The following BICD2 variants were observed in gnomAD, a reference collection of about 807,000 sequenced individuals.
The protein encoded by BICD2 is BICD cargo adaptor 2.
Under a neutral mutation model 72.9 loss-of-function variants are expected in BICD2, and 25 were observed. That is an observed-to-expected ratio of 0.34 (90% CI 0.25 to 0.48). The LOEUF (loss-of-function observed/expected upper bound fraction) is 0.48, where lower values mean the gene tolerates loss of function less well. BICD2 is among the 20% of genes least tolerant of loss of function. The pLI is 0.99. For synonymous variants in BICD2, 501 were observed against 516.1 expected (o/e 0.97, Z 0.40); for missense variants, 894 against 1,175.2 (o/e 0.76, Z 3.50).
At chr9:92,763,707 TC>T (rs1048274917) in intron 1 of BICD2, among the ~76,000 whole-genome samples, 3 of 150,678 alleles carry the variant, frequency 2.0e-5, no homozygotes, top group African/African-American at 7.3e-5. Flanking sequence ...TAACCTACTC[TC>T]CCCCCAGTGG....
chr9:92,738,912 A>G (rs1051364625), intron 1 of BICD2, among the ~76,000 whole-genome samples: 5 of 152,244 alleles, frequency 3.3e-5, no homozygotes, highest in African/African-American at 1.2e-4. Flanking sequence ...TTCATCTGCT[A>G]GGCTGATCCA....
At chr9:92,731,554 G>A (rs1046927545) in intron 1 of BICD2, among the ~76,000 whole-genome samples, 1 of 152,088 alleles carries the variant, frequency 6.6e-6, no homozygotes, top group Non-Finnish European at 1.5e-5. Context: ...TCACATCATG[G>A]GCACTAGATA....
Position 92,714,862 on chromosome 9 carries a change from G to A in BICD2, c.*292C>T. The A allele has an allele frequency of 8.4e-7, 1 of 1,195,802 alleles. No individual in the cohort carries two copies. The highest frequency in any genetic ancestry group is 1.0e-6 in the Non-Finnish European group (1 of 961,642). The allele number at this position is 1,195,802 out of a possible 1,614,324, so 74.1% of individuals were successfully genotyped here. ...CCCCACGGGTGCGCAGGGCTTAGAA[G>A]ATGCTTTCATCACACATCTGCTGCA... On this transcript the variant is annotated 3_prime_UTR_variant, in exon 7 of 7. Transcript: ENST00000356884.
At position 92,717,821 on chromosome 9, in the gene BICD2, G is replaced by A. The variant is rs781440350; in HGVS notation, c.2234C>T (p.Ser745Leu). The change falls in exon 6 of 7, where the codon TCG (serine) becomes TTG (leucine). Residue 745 changes from serine (S) to leucine (L), a missense_variant. Physicochemically the swap from Ser to Leu is moderately radical, Grantham distance 145. This residue lies in a region of BICD2 where 321 missense variants were observed against 443.9 expected (regional missense o/e 0.72). Coordinates refer to ENST00000356884, the MANE Select transcript of BICD2 (RefSeq NM_001003800.2). ...CCTGGTGGCAAACATAGCACGCAGC[G>A]AGGAGAAGGTGGCTGCGTCCTCCTT... ...ALKEDAATFSSLRAMFATRCD... is the reference protein window; with the variant it reads ...ALKEDAATFSLLRAMFATRCD... The A allele has an allele frequency of 1.2e-6, 2 of 1,611,734 alleles. No homozygotes were observed. Among genetic ancestry groups the A allele is most frequent in the Non-Finnish European group, 1.7e-6 (2 of 1,179,700 alleles).
At chr9:92,763,718 G>C (rs1854419930) in intron 1 of BICD2, among the ~76,000 whole-genome samples, 1 of 152,196 alleles carries the variant, frequency 6.6e-6, no homozygotes, top group African/African-American at 2.4e-5. Flanking sequence ...CCCCCCAGTG[G>C]GAATGACACA....
chr9:92,763,682 A>T (rs1310098974), intron 1 of BICD2, among the ~76,000 whole-genome samples: 2 of 151,336 alleles, frequency 1.3e-5, no homozygotes, highest in East Asian at 4.1e-4. Context: ...GAGACCCTCG[A>T]CCAGCCTGGT....
chr9:92,721,553 C>G (rs1587671081), intron 3 of BICD2, among the ~76,000 whole-genome samples: 1 of 152,184 alleles, frequency 6.6e-6, no homozygotes, highest in East Asian at 1.9e-4. Flanking sequence ...AAGAAACAAA[C>G]CAGTAACAGG....
intron 1 of BICD2, among the ~76,000 whole-genome samples, chr9:92,742,510 G>A (rs1230056701): frequency 1.3e-5 from 2 of 151,292 alleles, no homozygotes; most frequent in Non-Finnish European, 2.9e-5. Flanking sequence ...TCGGCCTCCC[G>A]AGTAGCTGGG....
chr9:92,722,930 T>C, intron 2 of BICD2, 122 bp from the exon 3 acceptor site: 6 of 1,254,664 alleles, frequency 4.8e-6, no homozygotes, highest in Non-Finnish European at 6.7e-6. Flanking sequence ...GGCCTGCAGG[T>C]GCCAGTGTGA....
chr9:92,713,546 G>A lies in BICD2; in HGVS notation c.*1608C>T. 1 of 1,552,178 alleles carries A rather than the reference G, an allele frequency of 6.4e-7. No homozygotes were observed. Among genetic ancestry groups the A allele is most frequent in the Non-Finnish European group, 8.7e-7 (1 of 1,147,542 alleles). On this transcript the variant is annotated 3_prime_UTR_variant, in exon 7 of 7. Coordinates refer to ENST00000356884, the MANE Select transcript of BICD2 (RefSeq NM_001003800.2). ...GACAATTGAAGCTCTCCACGTGCTGGGAGGGCGCGAGCACGTTAGTTGGCA... is the reference window on the plus strand; with the variant it reads ...GACAATTGAAGCTCTCCACGTGCTGAGAGGGCGCGAGCACGTTAGTTGGCA...
At chr9:92,728,930 GCCAGC>G (rs911710005) in intron 2 of BICD2, 89 bp downstream of exon 2, 12 of 1,406,138 alleles carry the variant, frequency 8.5e-6, no homozygotes, top group Middle Eastern at 2.4e-4. Context: ...GTCCCCAGAG[GCCAGC>G]CCAGCCCAGC....
In BICD2 at chr9:92,764,810, C is replaced by CGCT; in HGVS notation, c.-69_-67dup. On this transcript the variant is annotated 5_prime_UTR_variant, in exon 1 of 7. Transcript: ENST00000356884. The surrounding 1 kb of genome is among the most constrained non-coding windows in gnomAD (Gnocchi z 5.5). ...AGGCCGGGCCCTCCTCAGCCGCCGC[C>CGCT]GCTGCCGCCGCCGCCGCCGCCCTGC... The CGCT allele has an allele frequency of 8.4e-7, 1 of 1,192,852 alleles. No individual in the cohort carries two copies. 73.9% of individuals were successfully genotyped at this position (1,192,852 alleles called of 1,614,324 possible). A position where few individuals can be genotyped will look rare whatever the true frequency, so the allele number is the denominator to read the frequency against.
At chr9:92,744,773 G>A (rs1181817825) in intron 1 of BICD2, among the ~76,000 whole-genome samples, 2 of 151,964 alleles carry the variant, frequency 1.3e-5, no homozygotes, top group African/African-American at 4.8e-5. Context: ...CCCAGGAGGT[G>A]GAGGTAGCAG....
At chr9:92,749,074 G>A (rs1025484851) in intron 1 of BICD2, among the ~76,000 whole-genome samples, 4 of 152,078 alleles carry the variant, frequency 2.6e-5, no homozygotes, top group African/African-American at 7.2e-5. Context: ...AGACAGGGAG[G>A]AGGGAGGAGG....
Position 92,713,933 on chromosome 9 carries a change from G to C in BICD2, c.*1221C>G. 1.0e-6 allele frequency: 1 copy of C among 993,710 alleles called. No individual in the cohort carries two copies. Among genetic ancestry groups the C allele is most frequent in the Non-Finnish European group, 1.2e-6 (1 of 834,702 alleles). The allele number at this position is 993,710 out of a possible 1,614,324, so 61.6% of individuals were successfully genotyped here. A position where few individuals can be genotyped will look rare whatever the true frequency, so the allele number is the denominator to read the frequency against. On this transcript the variant is annotated 3_prime_UTR_variant, in exon 7 of 7. Coordinates refer to ENST00000356884, the MANE Select transcript of BICD2 (RefSeq NM_001003800.2). ...GAGACAAGGCAAGCAGCCTGCAGGA[G>C]AGAAGACTGCAGCCTCAGGTCCAGC...
chr9:92,730,809 T>C (rs1448642254), intron 1 of BICD2, among the ~76,000 whole-genome samples: 1 of 152,136 alleles, frequency 6.6e-6, no homozygotes, highest in African/African-American at 2.4e-5. Flanking sequence ...TGCACAGATG[T>C]CTATGGCACC....
In BICD2 at chr9:92,764,337, G is replaced by C. The variant is rs944687218; in HGVS notation, c.240+168C>G. On this transcript the variant is annotated intron_variant, in intron 1 of 6. Transcript: ENST00000356884. This position sits in a 1 kb window ranked among gnomAD's most constrained non-coding sequence, Gnocchi z 5.5. ...CAACGGCCGCGGCACCGGCCTGCTA[G>C]CCAAGGCCGGGCCCACTCCCACATA... 6.6e-6 allele frequency among the ~76,000 whole-genome samples: 1 copy of C among 152,166 alleles called. No homozygotes were observed. Among genetic ancestry groups the C allele is most frequent in the Non-Finnish European group, 1.5e-5 (1 of 68,010 alleles).
chr9:92,757,312 C>CAAAAAAAAAAAAAAAAAAAAAAAAAA (rs1169381290), intron 1 of BICD2, among the ~76,000 whole-genome samples: 6 of 52,738 alleles, frequency 1.1e-4, no homozygotes, highest in Admixed American at 2.0e-4. Flanking sequence ...AGACTGTCTC[C>CAAAAAAAAAAAAAAAAAAAAAAAAAA]AAAAAAAAAA....
At chr9:92,751,140 G>T (rs149049262) in intron 1 of BICD2, among the ~76,000 whole-genome samples, 32,521 of 142,406 alleles carry the variant, frequency 0.23, 4,650 homozygotes, top group East Asian at 0.74. Flanking sequence ...GTTTTTTGTT[G>T]TTGTTGTTGT....
Sources: allele counts gnomAD v4.1 joint callset (sites outside exome capture counted in the v4.1 genomes callset), GRCh38; gene constraint gnomAD v4.1.1; regional missense constraint gnomAD v4.1.1; non-coding constraint Gnocchi (gnomAD v3.1); transcripts MANE v1.5; gene names NCBI Gene and HGNC (gene_info 2026-07-23, HGNC 2026-07-21).